Variants in CSMD1 observed in about 807,000 individuals in gnomAD.
CSMD1 encodes CUB and Sushi multiple domains 1, also known as CUB and sushi domain-containing protein 1.
Under a neutral mutation model 417.5 loss-of-function variants are expected in CSMD1, and 213 were observed. The observed-to-expected ratio is 0.51, with a 90% confidence interval of 0.46 to 0.57. The LOEUF is 0.57. Among genes scored for constraint, CSMD1 ranks in the 20% least tolerant of loss-of-function variants. CSMD1 has a pLI of 0.00. For synonymous variants in CSMD1, 2,862 were observed against 1,736.8 expected (o/e 1.65, Z -16.11); for missense variants, 6,923 against 4,529.7 (o/e 1.53, Z -15.17).
In CSMD1 at chr8:4,854,789, A is replaced by G. The variant is rs573594685; in HGVS notation, c.85+139543T>C. On this transcript the variant is annotated intron_variant, in intron 1 of 69. Transcript: ENST00000635120. ...CACCCACAGAGTCTCGCTGATTGCTAGCACAGCAGTCTGAGATCAAACTGC... is the reference window on the plus strand; with the variant it reads ...CACCCACAGAGTCTCGCTGATTGCTGGCACAGCAGTCTGAGATCAAACTGC... Among the ~76,000 whole-genome samples the G allele has an allele frequency of 4.6e-5, 7 of 152,278 alleles. No individual in the cohort carries two copies. The East Asian group carries it at 9.7e-4, about 21-fold the overall frequency.
intron 5 of CSMD1, among the ~76,000 whole-genome samples, chr8:3,774,181 C>T (rs1448666892): frequency 2.0e-5 from 3 of 152,146 alleles, no homozygotes; most frequent in Non-Finnish European, 2.9e-5. Flanking sequence ...GTGACCTGCA[C>T]CGCCTGACCC....
chr8:4,781,499 G>A (rs1797150425), intron 1 of CSMD1, among the ~76,000 whole-genome samples: 1 of 152,176 alleles, frequency 6.6e-6, no homozygotes, highest in South Asian at 2.1e-4. Flanking sequence ...CAGCCTTTTA[G>A]AAAGAGATCA....
intron 11 of CSMD1, among the ~76,000 whole-genome samples, chr8:3,471,608 C>T (rs1238716599): frequency 7.2e-6 from 1 of 137,974 alleles, no homozygotes; most frequent in Non-Finnish European, 1.6e-5. Context: ...CCTTCTTCCT[C>T]TCTCCTTCCT....
At chr8:3,712,368 AG>A (rs1457032634) in intron 6 of CSMD1, among the ~76,000 whole-genome samples, 9 of 134,842 alleles carry the variant, frequency 6.7e-5, no homozygotes, top group African/African-American at 2.4e-4. Flanking sequence ...TCATTTGCAA[AG>A]AAACAGGAGA....
intron 14 of CSMD1, among the ~76,000 whole-genome samples, chr8:3,406,814 A>G (rs1812370144): frequency 6.6e-6 from 1 of 152,240 alleles, no homozygotes; most frequent in Admixed American, 6.5e-5. Flanking sequence ...ATTTAAGTAG[A>G]TATTCTTACA....
intron 5 of CSMD1, among the ~76,000 whole-genome samples, chr8:3,763,113 G>A (rs537755900): frequency 6.6e-6 from 1 of 152,284 alleles, no homozygotes; most frequent in Admixed American, 6.5e-5. Flanking sequence ...CTGGGCATGT[G>A]GTAGGCACTC....
At chr8:4,062,446 A>G (rs1389343045) in intron 3 of CSMD1, among the ~76,000 whole-genome samples, 1 of 152,198 alleles carries the variant, frequency 6.6e-6, no homozygotes, top group East Asian at 1.9e-4. Context: ...AGAATCTCAG[A>G]TATCTGACAC....
chr8:3,342,990 T>C (rs1395680367), intron 23 of CSMD1, among the ~76,000 whole-genome samples: 1 of 152,142 alleles, frequency 6.6e-6, no homozygotes, highest in Non-Finnish European at 1.5e-5. Flanking sequence ...CATGAATTTG[T>C]ATCAATGTAT....
At chr8:4,074,642 G>A (rs917038106) in intron 3 of CSMD1, among the ~76,000 whole-genome samples, 2 of 151,946 alleles carry the variant, frequency 1.3e-5, no homozygotes, top group African/African-American at 4.8e-5. Flanking sequence ...CTTTTAATGT[G>A]AAATATCCAT....
At chr8:3,586,050 T>A (rs1014408036) in intron 9 of CSMD1, 86 bp downstream of exon 9, 5 of 1,375,084 alleles carry the variant, frequency 3.6e-6, no homozygotes, top group Non-Finnish European at 4.9e-6. Context: ...CCATACACAA[T>A]GCTTCATGCT....
chr8:3,090,130 C>T (rs1021641803), intron 48 of CSMD1, among the ~76,000 whole-genome samples: 10 of 151,728 alleles, frequency 6.6e-5, no homozygotes, highest in African/African-American at 1.9e-4. Context: ...CTGGCTAACA[C>T]GGTGAAACCC....
In CSMD1 at chr8:2,942,593, G is replaced by T. The variant is rs564251139; in HGVS notation, c.10414C>A (p.Pro3472Thr). ...FKLERQDPLN[P>T]DQDSSSHYHG... Reference sequence around the variant, plus strand: ...TAATGACTGGAAGAGTCTTGATCTGGGTTTAAAGGATCTGTAAGATAAAGG... The same window carrying T: ...TAATGACTGGAAGAGTCTTGATCTGTGTTTAAAGGATCTGTAAGATAAAGG... The change falls in exon 69 of 70, where the codon CCA becomes ACA. Residue 3472 changes from proline (P) to threonine (T), a missense_variant. Transcript: ENST00000635120. 4.4e-6 allele frequency: 7 copies of T among 1,587,720 alleles called. No homozygotes were observed. Among genetic ancestry groups the T allele is most frequent in the Admixed American group, 1.8e-5 (1 of 55,406 alleles).
intron 1 of CSMD1, among the ~76,000 whole-genome samples, chr8:4,639,853 C>T (rs1420791103): frequency 1.3e-5 from 2 of 151,996 alleles, no homozygotes; most frequent in African/African-American, 4.8e-5. Flanking sequence ...GAGTTTAAAA[C>T]CAGAGAACTA....
intron 10 of CSMD1, among the ~76,000 whole-genome samples, chr8:3,545,585 G>T (rs1050967325): frequency 6.6e-6 from 1 of 151,394 alleles, no homozygotes; most frequent in Non-Finnish European, 1.5e-5. Context: ...TACCATGAAG[G>T]CTACTTATCA....
At chr8:4,346,686 A>G (rs1218163196) in intron 3 of CSMD1, among the ~76,000 whole-genome samples, 1 of 152,186 alleles carries the variant, frequency 6.6e-6, no homozygotes, top group Admixed American at 6.5e-5. Flanking sequence ...TTTGCCTCGT[A>G]TGAGTGCTAG....
At chr8:3,184,195 T>C (rs2129048865) in intron 36 of CSMD1, among the ~76,000 whole-genome samples, 2 of 152,272 alleles carry the variant, frequency 1.3e-5, no homozygotes, top group Middle Eastern at 6.8e-3. Flanking sequence ...GTTCGTTCCT[T>C]CTCCTTTGAT....
chr8:3,826,100 T>C lies in CSMD1; in HGVS notation c.819-72058A>G, dbSNP rs146017629. Among the ~76,000 whole-genome samples, 197 of 152,248 alleles carry C rather than the reference T, an allele frequency of 1.3e-3. 1 individual carries two copies. Among genetic ancestry groups the C allele is most frequent in the African/African-American group, 4.4e-3 (183 of 41,542 alleles). On this transcript the variant is annotated intron_variant, in intron 5 of 69. Coordinates refer to ENST00000635120, the MANE Select transcript of CSMD1 (RefSeq NM_033225.6). ...CCCAAGCTATACACAACTATGCTTC[T>C]GTAACAATAAACCGGCCGTCAGCAG...
At chr8:3,284,524 G>C (rs1802999097) in intron 25 of CSMD1, 178 bp from the exon 26 acceptor site, 3 of 605,516 alleles carry the variant, frequency 5.0e-6, no homozygotes, top group Non-Finnish European at 8.8e-6. Flanking sequence ...TAATTCAGGA[G>C]TGTAAATTAG....
chr8:4,578,311 A>G (rs371238877), intron 2 of CSMD1, among the ~76,000 whole-genome samples: 1 of 125,366 alleles, frequency 8.0e-6, no homozygotes, highest in Non-Finnish European at 1.6e-5. Flanking sequence ...GATTACAGGC[A>G]CCTGCCACGA....
Sources: gnomAD v4.1 joint callset for allele counts (sites outside exome capture counted in the v4.1 genomes callset) on GRCh38, gnomAD v4.1.1 for gene constraint, MANE v1.5 for transcripts, NCBI Gene and HGNC (gene_info 2026-07-23, HGNC 2026-07-21) for gene names.